Variants in NTSR1 observed in about 807,000 individuals in gnomAD.
NTSR1 encodes the protein neurotensin receptor 1, also known as neurotensin receptor type 1.
Under a neutral mutation model 31.2 loss-of-function variants are expected in NTSR1, and 29 were observed. The observed-to-expected ratio is 0.93, with a 90% confidence interval of 0.69 to 1.27. The LOEUF (loss-of-function observed/expected upper bound fraction) is 1.27, where lower values mean the gene tolerates loss of function less well. Ranked by LOEUF, NTSR1 falls within the 50% of genes most tolerant of loss-of-function variation. The pLI is 0.00. For synonymous variants in NTSR1, 282 were observed against 269.9 expected, an observed-to-expected ratio of 1.04 and a Z score of -0.44; for missense variants, 697 against 595.4, an observed-to-expected ratio of 1.17 and a Z score of -1.78.
Position 62,709,568 on chromosome 20 carries a change from C to A in NTSR1, c.361C>A (p.Pro121Thr), listed in dbSNP as rs200124409. Residue 121 changes from proline (P) to threonine (T), a missense_variant, in exon 1 of 4, where the codon CCC (proline) becomes ACC (threonine). Transcript: ENST00000370501. ...SDLLTLLLAMPVELYNFIWVH... is the reference protein window; with the variant it reads ...SDLLTLLLAMTVELYNFIWVH... ...CCTGCTCACCCTGCTGCTGGCCATG[C>A]CCGTGGAGCTGTACAACTTCATCTG... The A allele has an allele frequency of 4.3e-6, 7 of 1,611,678 alleles. No individual in the cohort carries two copies. Among genetic ancestry groups the A allele is most frequent in the African/African-American group, 4.0e-5 (3 of 75,062 alleles).
At position 62,715,875 on chromosome 20, in the gene NTSR1, T is replaced by A. The variant is rs548371602; in HGVS notation, c.714+5954T>A. On this transcript the variant is annotated intron_variant, in intron 1 of 3. Transcript: ENST00000370501. The surrounding 1 kb of genome is among the most constrained non-coding windows in gnomAD (Gnocchi z 4.7). Reference sequence around the variant, plus strand: ...GCACTGGGGCTCCCAGCTGGTAACATCTGATGATGGGCAGAGAGGGCCCTG... The same window carrying A: ...GCACTGGGGCTCCCAGCTGGTAACAACTGATGATGGGCAGAGAGGGCCCTG... Among the ~76,000 whole-genome samples, 35 of 152,130 alleles carry A rather than the reference T, an allele frequency of 2.3e-4. No individual in the cohort carries two copies. The highest frequency in any genetic ancestry group is 3.5e-4 in the Non-Finnish European group (24 of 67,974).
chr20:62,747,945 G>T (rs548721124), intron 1 of NTSR1, among the ~76,000 whole-genome samples: 86 of 152,346 alleles, frequency 5.6e-4, no homozygotes, highest in Admixed American at 7.8e-4. Flanking sequence ...GGAGCCCGAG[G>T]CGGGTGGATC....
Position 62,715,029 on chromosome 20 carries a change from G to C in NTSR1, c.714+5108G>C, listed in dbSNP as rs1280266655. ...GCGTGATCTGGGGGAAGGGGCTGTG[G>C]GAGGGCTACAGAGGAGACAAGATTG... On this transcript the variant is annotated intron_variant, in intron 1 of 3. Coordinates refer to ENST00000370501, the MANE Select transcript of NTSR1 (RefSeq NM_002531.3). This position sits in a 1 kb window ranked among gnomAD's most constrained non-coding sequence, Gnocchi z 4.7. 1.3e-5 allele frequency among the ~76,000 whole-genome samples: 2 copies of C among 152,184 alleles called. No individual in the cohort carries two copies. Among genetic ancestry groups the C allele is most frequent in the Non-Finnish European group, 2.9e-5 (2 of 68,036 alleles).
rs1423279024 is a variant in NTSR1 at position 62,742,164 on chromosome 20, G to A, written c.715-12521G>A. On this transcript the variant is annotated intron_variant, in intron 1 of 3. Transcript: ENST00000370501. The surrounding 1 kb of genome is among the most constrained non-coding windows in gnomAD (Gnocchi z 7.1). The stretch of plus-strand genomic sequence containing the variant: ...CCAAGTACTAGCCAGAAGCTGCGCC[G>A]TCCATTTCATCCCCTCCCCACAGTG... Among the ~76,000 whole-genome samples the A allele has an allele frequency of 6.0e-5, 9 of 149,530 alleles. No individual in the cohort carries two copies. Among genetic ancestry groups the A allele is most frequent in the South Asian group, 2.1e-4 (1 of 4,780 alleles).
chr20:62,756,252 G>T (rs777459992), intron 2 of NTSR1, among the ~76,000 whole-genome samples: 3 of 152,206 alleles, frequency 2.0e-5, no homozygotes, highest in Non-Finnish European at 2.9e-5. Context: ...GTGGCATCCT[G>T]CAAGTCCCAA....
At chr20:62,710,097 C>T (rs1481339260) in intron 1 of NTSR1, among the ~76,000 whole-genome samples, 176 bp downstream of exon 1, 1 of 152,210 alleles carries the variant, frequency 6.6e-6, no homozygotes, top group Non-Finnish European at 1.5e-5. Flanking sequence ...AGGCTCAGCC[C>T]CTATCTTCTT....
At chr20:62,728,224 C>T (rs757243668) in intron 1 of NTSR1, among the ~76,000 whole-genome samples, 19 of 152,298 alleles carry the variant, frequency 1.2e-4, no homozygotes, top group Middle Eastern at 3.4e-3. Flanking sequence ...TCCCAGCATC[C>T]GAGCCTTGAT....
chr20:62,761,848 C>T lies in NTSR1; in HGVS notation c.*1581C>T, dbSNP rs186423917. On this transcript the variant is annotated 3_prime_UTR_variant, in exon 4 of 4. Transcript: ENST00000370501. ...TGAACCCCACAAAATCCCTCTCCAA[C>T]CACAGGACCCTTCGGCTCACCAAGA... is the stretch of plus-strand genomic sequence containing the variant. The T allele has an allele frequency of 2.0e-5, 3 of 152,362 alleles. No individual in the cohort carries two copies. The highest frequency in any genetic ancestry group is 2.0e-4 in the Admixed American group (3 of 15,308). The allele number at this position is 152,362 out of a possible 1,614,324, so 9.4% of individuals were successfully genotyped here. A position where few individuals can be genotyped will look rare whatever the true frequency, so the allele number is the denominator to read the frequency against.
intron 1 of NTSR1, among the ~76,000 whole-genome samples, chr20:62,713,773 A>G (rs1236265965): frequency 6.6e-6 from 1 of 152,210 alleles, no homozygotes; most frequent in African/African-American, 2.4e-5. Flanking sequence ...TTCTTCCTGC[A>G]ACTGTTCTGC....
At chr20:62,734,992 G>C (rs1989063813) in intron 1 of NTSR1, among the ~76,000 whole-genome samples, 1 of 152,208 alleles carries the variant, frequency 6.6e-6, no homozygotes, top group Admixed American at 6.5e-5. Context: ...AGCCTGTACA[G>C]CCTCCCCTTG....
At chr20:62,716,858 C>T (rs1348932775) in intron 1 of NTSR1, among the ~76,000 whole-genome samples, 2 of 152,228 alleles carry the variant, frequency 1.3e-5, no homozygotes, top group Admixed American at 6.5e-5. Context: ...TGGTTCTTGG[C>T]GCTTGGTGGG....
chr20:62,750,028 G>A (rs1415441497), intron 1 of NTSR1, among the ~76,000 whole-genome samples: 3 of 152,194 alleles, frequency 2.0e-5, no homozygotes, highest in Non-Finnish European at 4.4e-5. Context: ...GTTCACAATC[G>A]CCAAGACACG....
Position 62,754,808 on chromosome 20 carries a change from G to T in NTSR1, c.838G>T (p.Gly280Trp). The T allele has an allele frequency of 1.2e-6, 2 of 1,610,496 alleles. No individual in the cohort carries two copies. Among genetic ancestry groups the T allele is most frequent in the Non-Finnish European group, 1.7e-6 (2 of 1,179,722 alleles). The change falls in exon 2 of 4, where the codon GGG becomes TGG. Residue 280 changes from glycine (G) to tryptophan (W), a missense_variant. By Grantham distance (184) the Gly-to-Trp change is radical (BLOSUM62 -2). Coordinates refer to ENST00000370501, the MANE Select transcript of NTSR1 (RefSeq NM_002531.3). ...AAEQGQVCTV[G>W]GEHSTFSMAI... ...CGAGCAGGGCCAAGTGTGCACGGTC[G>T]GGGGCGAGCACAGCACATTCAGCAT...
rs1189482996 is a variant in NTSR1 at position 62,758,288 on chromosome 20, G to A, written c.939G>A (p.Val313=). ...RVLRAVVIAF[V]VCWLPYHVRR... ...CAGGTGCAGTGGTCATCGCCTTTGT[G>A]GTCTGCTGGCTGCCCTACCACGTGC... The change falls in exon 3 of 4, where the codon GTG becomes GTA. Residue 313 remains valine, a synonymous_variant. Transcript: ENST00000370501. The surrounding 1 kb of genome is among the most constrained non-coding windows in gnomAD (Gnocchi z 4.5). 1 of 1,613,604 alleles carries A rather than the reference G, an allele frequency of 6.2e-7. No individual in the cohort carries two copies. Among genetic ancestry groups the A allele is most frequent in the Non-Finnish European group, 8.5e-7 (1 of 1,179,964 alleles).
At chr20:62,752,511 C>G (rs1040473933) in intron 1 of NTSR1, among the ~76,000 whole-genome samples, 3 of 152,194 alleles carry the variant, frequency 2.0e-5, no homozygotes, top group Non-Finnish European at 4.4e-5. Flanking sequence ...TGTCCCCACA[C>G]GTGGCCCTGC....
At chr20:62,725,740 C>A (rs1483069881) in intron 1 of NTSR1, among the ~76,000 whole-genome samples, 1 of 152,202 alleles carries the variant, frequency 6.6e-6, no homozygotes, top group African/African-American at 2.4e-5. Context: ...ATTGGTATCA[C>A]CCCCCACCTT....
chr20:62,709,263 T>C lies in NTSR1; in HGVS notation c.56T>C (p.Phe19Ser). ...CCGGGCACGCCGGCCGCCGACCCCT[T>C]CCAGCGGGCGCAGGCCGGACTGGAG... The part of the protein sequence containing the change: ...GTPGTPAADP[F>S]QRAQAGLEEA... Residue 19 changes from phenylalanine (F) to serine (S), a missense_variant, in exon 1 of 4, where the codon TTC (phenylalanine) becomes TCC (serine). Physicochemically the swap from Phe to Ser is radical, Grantham distance 155. Coordinates refer to ENST00000370501, the MANE Select transcript of NTSR1 (RefSeq NM_002531.3). 3 of 1,549,382 alleles carry C rather than the reference T, an allele frequency of 1.9e-6. No individual in the cohort carries two copies. The highest frequency in any genetic ancestry group is 2.6e-6 in the Non-Finnish European group (3 of 1,153,638).
intron 1 of NTSR1, among the ~76,000 whole-genome samples, chr20:62,734,202 G>GA (rs1047286212): frequency 4.6e-5 from 7 of 152,136 alleles, no homozygotes; most frequent in African/African-American, 1.4e-4. Flanking sequence ...CCTGGTGGGG[G>GA]ACGGGCAAGA....
intron 2 of NTSR1, among the ~76,000 whole-genome samples, chr20:62,757,596 T>G (rs1989532483): frequency 6.6e-6 from 1 of 152,252 alleles, no homozygotes; most frequent in African/African-American, 2.4e-5. Flanking sequence ...TCTTGAAATT[T>G]GATACGGATT....
Sources: gnomAD v4.1 joint callset for allele counts (sites outside exome capture counted in the v4.1 genomes callset) on GRCh38, gnomAD v4.1.1 for gene constraint, Gnocchi (gnomAD v3.1) non-coding constraint, MANE v1.5 for transcripts, NCBI Gene and HGNC (gene_info 2026-07-23, HGNC 2026-07-21) for gene names.